The following EPB41L3 variants were observed in gnomAD, a reference collection of about 807,000 sequenced individuals.
EPB41L3 encodes band 4.1-like protein 3.
In EPB41L3, 57 loss-of-function variants were observed where a neutral mutation model predicts 127.1. The ratio of observed to expected loss-of-function variants is 0.45; its 90% CI spans 0.36 to 0.56. The LOEUF (loss-of-function observed/expected upper bound fraction) is 0.56, where lower values mean the gene tolerates loss of function less well. EPB41L3 is among the 20% of genes least tolerant of loss of function. The pLI is 0.00. For missense variants in EPB41L3, 1,273 were observed against 1,372.2 expected, an observed-to-expected ratio of 0.93 and a Z score of 1.14; for synonymous variants, 572 against 549.5, an observed-to-expected ratio of 1.04 and a Z score of -0.57.
In EPB41L3 at chr18:5,543,108, C is replaced by A. The variant is rs1325272134; in HGVS notation, c.-12+805G>T. Among the ~76,000 whole-genome samples the A allele has an allele frequency of 6.6e-6, 1 of 151,544 alleles. No individual in the cohort carries two copies. Among genetic ancestry groups the A allele is most frequent in the Non-Finnish European group, 1.5e-5 (1 of 67,834 alleles). On this transcript the variant is annotated intron_variant, in intron 1 of 22. Coordinates refer to ENST00000341928, the MANE Select transcript of EPB41L3 (RefSeq NM_012307.5). The surrounding 1 kb of genome is among the most constrained non-coding windows in gnomAD (Gnocchi z 5.2). ...CCGGGCCACGGCAGGCCGACCCAGGCGCCCCCGGCCCGCCCGTGCTCCCGC... is the reference window on the plus strand; with the variant it reads ...CCGGGCCACGGCAGGCCGACCCAGGAGCCCCCGGCCCGCCCGTGCTCCCGC...
intron 1 of EPB41L3, among the ~76,000 whole-genome samples, chr18:5,498,543 G>A (rs1280222706): frequency 7.8e-6 from 1 of 127,480 alleles, no homozygotes; most frequent in Non-Finnish European, 1.6e-5. Flanking sequence ...GCAGTGAGCC[G>A]AGATAGCACC....
At chr18:5,424,229 C>G (rs764308076) in intron 10 of EPB41L3, 33 bp downstream of exon 10, 10 of 1,436,148 alleles carry the variant, frequency 7.0e-6, no homozygotes, top group African/African-American at 1.4e-5. Context: ...TATAATTATT[C>G]CTTAGGGAAA....
intron 3 of EPB41L3, among the ~76,000 whole-genome samples, chr18:5,592,885 C>A (rs1225256627): frequency 6.6e-6 from 1 of 152,200 alleles, no homozygotes; most frequent in Non-Finnish European, 1.5e-5. Flanking sequence ...TGGATGTCTT[C>A]AAATCAATTG....
At chr18:5,494,521 G>A (rs2090953192) in intron 1 of EPB41L3, among the ~76,000 whole-genome samples, 1 of 152,074 alleles carries the variant, frequency 6.6e-6, no homozygotes, top group African/African-American at 2.4e-5. Context: ...AGCTGTGTAT[G>A]CGGTGGGCAC....
intron 1 of EPB41L3, among the ~76,000 whole-genome samples, chr18:5,508,766 C>CAAAAAAAAAAAAAAAAAAAA (rs397969769): frequency 1.9e-5 from 1 of 52,596 alleles, no homozygotes; most frequent in Non-Finnish European, 4.2e-5. Flanking sequence ...GACTCCATCT[C>CAAAAAAAAAAAAAAAAAAAA]AAAAAAAAAA....
chr18:5,495,482 G>T (rs2091072780), intron 1 of EPB41L3, among the ~76,000 whole-genome samples: 1 of 151,816 alleles, frequency 6.6e-6, no homozygotes, highest in South Asian at 2.1e-4. Context: ...ATTCAGACAG[G>T]TTACCTCAAG....
At chr18:5,572,792 T>G (rs2094297188) in intron 3 of EPB41L3, among the ~76,000 whole-genome samples, 1 of 152,174 alleles carries the variant, frequency 6.6e-6, no homozygotes, top group Non-Finnish European at 1.5e-5. Flanking sequence ...CAGGCTTATC[T>G]CAAACTCCTG....
At chr18:5,628,383 G>A (rs1599418819) in intron 1 of EPB41L3, among the ~76,000 whole-genome samples, 1 of 152,360 alleles carries the variant, frequency 6.6e-6, no homozygotes, top group East Asian at 1.9e-4. Context: ...GTTGCGGACT[G>A]GCGGGGGCGG....
chr18:5,499,230 G>A (rs2091497534), intron 1 of EPB41L3, among the ~76,000 whole-genome samples: 1 of 152,144 alleles, frequency 6.6e-6, no homozygotes, highest in African/African-American at 2.4e-5. Context: ...AGGATAAGGA[G>A]CACAGCATCA....
At chr18:5,431,015 T>C (rs2078939717) in intron 8 of EPB41L3, among the ~76,000 whole-genome samples, 1 of 152,200 alleles carries the variant, frequency 6.6e-6, no homozygotes, top group South Asian at 2.1e-4. Context: ...ACGATTTCTT[T>C]AATTCAACAT....
intron 1 of EPB41L3, among the ~76,000 whole-genome samples, chr18:5,490,952 C>T (rs1288408601): frequency 6.6e-6 from 1 of 152,192 alleles, no homozygotes; most frequent in Non-Finnish European, 1.5e-5. Context: ...ACCACTACCC[C>T]CCATCTCAAG....
chr18:5,418,375 A>G (rs1477870699), intron 12 of EPB41L3, among the ~76,000 whole-genome samples: 2 of 152,200 alleles, frequency 1.3e-5, no homozygotes, highest in African/African-American at 4.8e-5. Context: ...TGGGAGCAAA[A>G]CTAAAAATCA....
intron 1 of EPB41L3, among the ~76,000 whole-genome samples, chr18:5,497,786 C>T (rs796702066): frequency 5.3e-5 from 8 of 152,198 alleles, no homozygotes; most frequent in African/African-American, 1.9e-4. Context: ...TCCAGTCTTC[C>T]AAAAAAGCAA....
Position 5,566,732 on chromosome 18 carries a change from C to G in EPB41L3, c.-306+45608G>C, listed in dbSNP as rs146004387. On this transcript the variant is annotated intron_variant, in intron 3 of 21. Coordinates refer to the EPB41L3 transcript ENST00000545076. The stretch of plus-strand genomic sequence containing the variant: ...CTTTTCTTTTCTATTCCATTCTATT[C>G]TATTCTATTCTATTCTATTCTATTC... Among the ~76,000 whole-genome samples, 360 of 84,162 alleles carry G rather than the reference C, an allele frequency of 4.3e-3. 6 individuals carry two copies. The East Asian group carries it at 0.078, about 18-fold the overall frequency. 55.2% of individuals were successfully genotyped at this position (84,162 alleles called of 152,430 possible). A position where few individuals can be genotyped will look rare whatever the true frequency, so the allele number is the denominator to read the frequency against.
At chr18:5,399,128 A>G in intron 16 of EPB41L3, 1 of 399,088 alleles carries the variant, frequency 2.5e-6, no homozygotes. Flanking sequence ...TCCCAGTCAT[A>G]GTAACAATTC....
At chr18:5,451,131 T>G (rs2082229565) in intron 3 of EPB41L3, among the ~76,000 whole-genome samples, 1 of 152,218 alleles carries the variant, frequency 6.6e-6, no homozygotes, top group Non-Finnish European at 1.5e-5. Flanking sequence ...AGGTATTTCC[T>G]TTTGTCAAAA....
Position 5,483,292 on chromosome 18 carries a change from A to G in EPB41L3, c.184-4854T>C, listed in dbSNP as rs144903487. Among the ~76,000 whole-genome samples, 700 of 152,236 alleles carry G rather than the reference A, an allele frequency of 4.6e-3. 5 individuals are homozygous for G. Among genetic ancestry groups the G allele is most frequent in the African/African-American group, 0.016 (669 of 41,562 alleles). The stretch of plus-strand genomic sequence containing the variant: ...TTGTTTAAAATAACTTGCTGTATCT[A>G]TAAGATGTTTCTGGTAAGCCTCATA... On this transcript the variant is annotated intron_variant, in intron 2 of 22. Transcript: ENST00000341928.
intron 12 of EPB41L3, 62 bp from the exon 13 acceptor site, chr18:5,416,440 G>A: frequency 1.3e-6 from 2 of 1,482,730 alleles, no homozygotes; most frequent in Non-Finnish European, 1.8e-6. Context: ...AGGACAAAAA[G>A]AAAACTGCAA....
chr18:5,450,473 G>A (rs986446233), intron 3 of EPB41L3, among the ~76,000 whole-genome samples: 1 of 145,186 alleles, frequency 6.9e-6, no homozygotes, highest in South Asian at 2.3e-4. Context: ...ACTGGGGGGG[G>A]TGAGGGGAAG....
Sources: gnomAD v4.1 joint callset for allele counts (sites outside exome capture counted in the v4.1 genomes callset) on GRCh38, gnomAD v4.1.1 for gene constraint, Gnocchi (gnomAD v3.1) non-coding constraint, MANE v1.5 for transcripts, NCBI Gene and HGNC (gene_info 2026-07-23, HGNC 2026-07-21) for gene names.